The following EHD4 variants were observed in gnomAD, a reference collection of about 807,000 sequenced individuals.
The protein encoded by EHD4 is EH domain-containing protein 4.
Under a neutral mutation model 51.0 loss-of-function variants are expected in EHD4, and 37 were observed. The ratio of observed to expected loss-of-function variants is 0.73; its 90% CI spans 0.56 to 0.95. EHD4 has a LOEUF of 0.95. Among genes scored for constraint, EHD4 ranks in the 40% least tolerant of loss-of-function variants. The pLI is 0.00. For synonymous variants in EHD4, 297 were observed against 317.3 expected (o/e 0.94, Z 0.68); for missense variants, 632 against 733.1 (o/e 0.86, Z 1.59).
chr15:41,970,440 C>A (rs1010440340), intron 1 of EHD4, among the ~76,000 whole-genome samples: 1 of 152,192 alleles, frequency 6.6e-6, no homozygotes, highest in African/African-American at 2.4e-5. Context: ...ATCTCAGAAC[C>A]CTTCATAAAA....
chr15:41,935,849 C>CA (rs149565804), intron 3 of EHD4, among the ~76,000 whole-genome samples: 2,066 of 152,286 alleles, frequency 0.014, 42 homozygotes, highest in African/African-American at 0.047. Flanking sequence ...AGGTGATAGT[C>CA]AGACAGTGGT....
rs1284690686 is a variant in EHD4, at chr15:41,907,852, GTGTGTGTGTGTGTGTGTGTA to G, written c.1089+1827_1089+1846del. On this transcript the variant is annotated intron_variant, in intron 5 of 5. Transcript: ENST00000220325. Reference sequence around the variant, plus strand: ...TGTGTGTGTGTGTGTGTGTGTGTGTGTGTGTGTGTGTGTGTGTGTATATATTTATTTATTTTTTGAGATGG... The same window carrying G: ...TGTGTGTGTGTGTGTGTGTGTGTGTGTATATTTATTTATTTTTTGAGATGG... 1.5e-4 allele frequency among the ~76,000 whole-genome samples: 15 copies of G among 102,870 alleles called. No homozygotes were observed. The East Asian group carries it at 2.1e-3, about 15-fold the overall frequency. 67.5% of individuals were successfully genotyped at this position (102,870 alleles called of 152,430 possible). A position where few individuals can be genotyped will look rare whatever the true frequency, so the allele number is the denominator to read the frequency against.
chr15:41,967,149 C>T (rs1458086292), intron 1 of EHD4, among the ~76,000 whole-genome samples: 1 of 152,186 alleles, frequency 6.6e-6, no homozygotes, highest in Non-Finnish European at 1.5e-5. Flanking sequence ...TCCCCAGTTA[C>T]CCCAGAAACC....
At chr15:41,932,001 C>T (rs890856053) in intron 3 of EHD4, among the ~76,000 whole-genome samples, 3 of 151,900 alleles carry the variant, frequency 2.0e-5, no homozygotes, top group African/African-American at 7.3e-5. Flanking sequence ...TTTTAAGCTC[C>T]TCCCTTTTCA....
At chr15:41,964,147 A>AG (rs1218833971) in intron 1 of EHD4, among the ~76,000 whole-genome samples, 1 of 148,446 alleles carries the variant, frequency 6.7e-6, no homozygotes, top group African/African-American at 2.5e-5. Flanking sequence ...TCCATCTCAA[A>AG]AAAAAAAAAA....
At position 41,945,636 on chromosome 15, in the gene EHD4, G is replaced by A. The variant is rs145720504; in HGVS notation, c.414-2472C>T. On this transcript the variant is annotated intron_variant, in intron 2 of 5. Transcript: ENST00000220325. ...GGGGCAGGCAAGAGAACAGAAAGGA[G>A]CATTGAGACCCTGTGGTGCCACGCT... Among the ~76,000 whole-genome samples the A allele has an allele frequency of 4.6e-3, 706 of 152,332 alleles. 4 individuals carry two copies. Among genetic ancestry groups the A allele is most frequent in the African/African-American group, 0.016 (652 of 41,570 alleles).
At chr15:41,939,792 CAAAAAAAAAAAA>C (rs537857115) in intron 3 of EHD4, among the ~76,000 whole-genome samples, 1 of 80,248 alleles carries the variant, frequency 1.2e-5, no homozygotes, top group Admixed American at 1.4e-4. Context: ...GACTCCGTCT[CAAAAAAAAAAAA>C]AAAAAAAAAG....
chr15:41,900,743 G>A lies in EHD4; in HGVS notation c.1528C>T (p.Leu510Phe), dbSNP rs1233437947. 3 of 1,613,426 alleles carry A rather than the reference G, an allele frequency of 1.9e-6. No individual in the cohort carries two copies. The highest frequency in any genetic ancestry group is 2.5e-6 in the Non-Finnish European group (3 of 1,180,034). The change falls in exon 6 of 6, where the codon CTC becomes TTC. Residue 510 changes from leucine (L) to phenylalanine (F), a missense_variant. Coordinates refer to ENST00000220325, the MANE Select transcript of EHD4 (RefSeq NM_139265.4). The surrounding 1 kb of genome is among the most constrained non-coding windows in gnomAD (Gnocchi z 4.8). ...DEEEFALAKH[L>F]IKIKLDGYEL... ...TAGCCGTCGAGCTTGATCTTGATGA[G>A]GTGCTTGGCCAGCGCGAACTCCTCC... is the stretch of plus-strand genomic sequence containing the variant.
chr15:41,903,337 A>AAAAC (rs1555473837), intron 5 of EHD4, among the ~76,000 whole-genome samples: 1 of 138,124 alleles, frequency 7.2e-6, no homozygotes, highest in Non-Finnish European at 1.6e-5. Context: ...TGTAAAAAAA[A>AAAAC]AAAACAGAAA....
At chr15:41,913,573 T>C (rs1268742359) in intron 4 of EHD4, among the ~76,000 whole-genome samples, 1 of 152,162 alleles carries the variant, frequency 6.6e-6, no homozygotes, top group Non-Finnish European at 1.5e-5. Flanking sequence ...AGAGTTATTA[T>C]GAGAATAAAA....
At chr15:41,971,282 T>A (rs530689593) in intron 1 of EHD4, among the ~76,000 whole-genome samples, 1 of 152,348 alleles carries the variant, frequency 6.6e-6, no homozygotes, top group East Asian at 1.9e-4. Context: ...AAGAGATTGT[T>A]ACAATTTCCA....
chr15:41,924,731 C>T (rs370451430), intron 3 of EHD4, among the ~76,000 whole-genome samples: 4 of 152,026 alleles, frequency 2.6e-5, no homozygotes, highest in South Asian at 2.1e-4. Context: ...CATAGTCACA[C>T]GAGTATGCAA....
At chr15:41,932,504 T>G (rs1375325362) in intron 3 of EHD4, among the ~76,000 whole-genome samples, 1 of 152,166 alleles carries the variant, frequency 6.6e-6, no homozygotes, top group Non-Finnish European at 1.5e-5. Context: ...GCATCTCGAT[T>G]TGGATTCCAA....
chr15:41,920,398 G>A (rs1042284011), intron 3 of EHD4, among the ~76,000 whole-genome samples: 2 of 152,152 alleles, frequency 1.3e-5, no homozygotes. Context: ...TTTCCCCAGG[G>A]AGGCAGATTC....
intron 2 of EHD4, among the ~76,000 whole-genome samples, chr15:41,950,702 C>T (rs1595543217): frequency 6.6e-6 from 1 of 152,172 alleles, no homozygotes; most frequent in Admixed American, 6.5e-5. Context: ...GAGCCTGACA[C>T]ACACTTGGCT....
Position 41,895,979 on chromosome 15 carries a change from C to CT in EHD4, c.*4665dup, listed in dbSNP as rs1567240361. ...ATTATTTATTTATTTATATTTAATT[C>CT]TTTTTTAGAGACAGGGTCTTCTTAG... On this transcript the variant is annotated 3_prime_UTR_variant, in exon 6 of 6. Transcript: ENST00000220325. 1 of 151,968 alleles carries CT rather than the reference C, an allele frequency of 6.6e-6. No homozygotes were observed. The highest frequency in any genetic ancestry group is 1.5e-5 in the Non-Finnish European group (1 of 67,992). The allele number at this position is 151,968 out of a possible 1,614,324, so 9.4% of individuals were successfully genotyped here.
intron 3 of EHD4, chr15:41,921,527 C>T (rs376961452): frequency 2.8e-4 from 43 of 152,282 alleles, no homozygotes; most frequent in African/African-American, 1.0e-3. Flanking sequence ...TTGTAGGTCC[C>T]CAGCGGATGA....
intron 1 of EHD4, among the ~76,000 whole-genome samples, chr15:41,969,672 C>T (rs1356203078): frequency 6.6e-6 from 1 of 152,188 alleles, no homozygotes; most frequent in African/African-American, 2.4e-5. Context: ...CTGTTTTCCT[C>T]AAGTTTTGGA....
intron 3 of EHD4, among the ~76,000 whole-genome samples, chr15:41,933,178 A>G (rs1179467004): frequency 1.3e-5 from 2 of 152,154 alleles, no homozygotes. Flanking sequence ...GAAAATACAG[A>G]TGCTCCCTGA....
Sources: gnomAD v4.1 joint callset for allele counts (sites outside exome capture counted in the v4.1 genomes callset) on GRCh38, gnomAD v4.1.1 for gene constraint, Gnocchi (gnomAD v3.1) non-coding constraint, MANE v1.5 for transcripts, NCBI Gene and HGNC (gene_info 2026-07-23, HGNC 2026-07-21) for gene names.